Variants in CDC42BPA observed in about 807,000 individuals in gnomAD.
CDC42BPA encodes the protein serine/threonine-protein kinase MRCK alpha.
A neutral mutation model predicts 223.5 loss-of-function variants in CDC42BPA; 80 were observed. That is an observed-to-expected ratio of 0.36 (90% CI 0.30 to 0.43). The LOEUF is 0.43. CDC42BPA is among the 20% of genes least tolerant of loss of function. The probability of loss-of-function intolerance (pLI) is 1.00; values close to 1 mark genes in which losing one functional copy is unlikely to be tolerated. For missense variants in CDC42BPA, 1,743 were observed against 2,099.9 expected, an observed-to-expected ratio of 0.83 and a Z score of 3.32; for synonymous variants, 694 against 718.6, an observed-to-expected ratio of 0.97 and a Z score of 0.55.
intron 3 of CDC42BPA, among the ~76,000 whole-genome samples, chr1:227,205,694 T>TA (rs1295296986): frequency 6.6e-6 from 1 of 152,174 alleles, no homozygotes; most frequent in African/African-American, 2.4e-5. Context: ...GATATACTGT[T>TA]ACCCTACTTA....
At chr1:227,123,145 T>G (rs1401788960) in intron 11 of CDC42BPA, among the ~76,000 whole-genome samples, 9 of 152,012 alleles carry the variant, frequency 5.9e-5, no homozygotes, top group Non-Finnish European at 1.2e-4. Flanking sequence ...TCTACTAGTA[T>G]TACAACAATT....
chr1:227,098,907 T>G (rs1196711474), intron 15 of CDC42BPA, among the ~76,000 whole-genome samples: 2 of 152,036 alleles, frequency 1.3e-5, no homozygotes, highest in African/African-American at 4.8e-5. Context: ...ATAATGACAT[T>G]TTGATCAACT....
chr1:227,129,527 G>A (rs927342574), intron 10 of CDC42BPA, among the ~76,000 whole-genome samples: 3 of 151,558 alleles, frequency 2.0e-5, no homozygotes, highest in Admixed American at 2.0e-4. Flanking sequence ...AATTGGCAGG[G>A]CATGGTGGCA....
chr1:227,125,607 A>G (rs1348259271), intron 11 of CDC42BPA, among the ~76,000 whole-genome samples: 1 of 150,800 alleles, frequency 6.6e-6, no homozygotes, highest in Non-Finnish European at 1.5e-5. Flanking sequence ...CAAATTAAAA[A>G]AAAAAAAAAA....
At chr1:227,187,683 C>CT (rs1478685493) in intron 5 of CDC42BPA, among the ~76,000 whole-genome samples, 1 of 74,530 alleles carries the variant, frequency 1.3e-5, no homozygotes, top group Non-Finnish European at 2.6e-5. Context: ...CCCCCCACCC[C>CT]CCCCCCAAAA....
At chr1:227,041,644 T>C (rs778911403) in intron 23 of CDC42BPA, among the ~76,000 whole-genome samples, 5 of 152,156 alleles carry the variant, frequency 3.3e-5, no homozygotes, top group Non-Finnish European at 5.9e-5. Context: ...TCTTTTTACA[T>C]AGAAAAACCT....
At chr1:227,203,278 C>T (rs1672107152) in intron 3 of CDC42BPA, among the ~76,000 whole-genome samples, 2 of 152,160 alleles carry the variant, frequency 1.3e-5, no homozygotes, top group African/African-American at 2.4e-5. Context: ...TATCACACTG[C>T]TCTCAGTTGC....
intron 1 of CDC42BPA, among the ~76,000 whole-genome samples, chr1:227,259,673 A>G (rs1346860887): frequency 6.6e-6 from 1 of 150,908 alleles, no homozygotes; most frequent in Non-Finnish European, 1.5e-5. Context: ...GCCTAAACAT[A>G]GTATGTGACT....
At position 227,317,895 on chromosome 1, in the gene CDC42BPA, A is replaced by G. The variant is rs977728084; in HGVS notation, c.-713T>C. 5.0e-6 allele frequency: 2 copies of G among 398,498 alleles called. No individual in the cohort carries two copies. Among genetic ancestry groups the G allele is most frequent in the African/African-American group, 4.1e-5 (2 of 48,622 alleles). The allele number at this position is 398,498 out of a possible 1,614,324, so 24.7% of individuals were successfully genotyped here. A position where few individuals can be genotyped will look rare whatever the true frequency, so the allele number is the denominator to read the frequency against. On this transcript the variant is annotated 5_prime_UTR_variant, in exon 1 of 37. Coordinates refer to ENST00000366766, the MANE Select transcript of CDC42BPA (RefSeq NM_001394014.1). ...AGGCTTTGCAGTCAGTCCTATTTTC[A>G]ACGGATTCCGGTGAAAACTCTTCAT...
chr1:227,237,553 A>G (rs1679275020), intron 2 of CDC42BPA, among the ~76,000 whole-genome samples: 1 of 152,160 alleles, frequency 6.6e-6, no homozygotes, highest in African/African-American at 2.4e-5. Context: ...GCTACACGGT[A>G]TTCTATTCTA....
In CDC42BPA at chr1:227,035,476, C is replaced by G. The variant is rs962674790; in HGVS notation, c.3331G>C (p.Val1111Leu). 2 of 1,606,676 alleles carry G rather than the reference C, an allele frequency of 1.2e-6. No homozygotes were observed. The highest frequency in any genetic ancestry group is 2.7e-5 in the African/African-American group (2 of 74,568). ...KGIGTAYEGH[V>L]RIPKPAGVKK... ...CCCAACTTAATCATACTTACCCTGA[C>G]ATGACCTTCATATGCTGTTCCTATT... The change falls in exon 25 of 37, where the codon GTC becomes CTC. Residue 1111 changes from valine to leucine, a missense_variant. Val to Leu is a conservative substitution (Grantham distance 32, BLOSUM62 1). This residue lies in a region of CDC42BPA where 678 missense variants were observed against 777.5 expected (regional missense o/e 0.87). Coordinates refer to ENST00000366766, the MANE Select transcript of CDC42BPA (RefSeq NM_001394014.1).
At chr1:227,203,358 T>C (rs1405117927) in intron 3 of CDC42BPA, among the ~76,000 whole-genome samples, 1 of 152,140 alleles carries the variant, frequency 6.6e-6, no homozygotes, top group Non-Finnish European at 1.5e-5. Context: ...CTGCTAAATA[T>C]TCTACAATGC....
At chr1:227,026,017 AC>A (rs1421771736) in intron 31 of CDC42BPA, 37 bp downstream of exon 31, 1 of 1,093,568 alleles carries the variant, frequency 9.1e-7, no homozygotes, top group African/African-American at 1.6e-5. Flanking sequence ...TTTCACTTAT[AC>A]TCAGTTGGCT....
At chr1:227,105,356 C>CTTTTTTTTTT (rs35065841) in intron 14 of CDC42BPA, among the ~76,000 whole-genome samples, 5 of 91,656 alleles carry the variant, frequency 5.5e-5, no homozygotes, top group African/African-American at 8.5e-5. Context: ...TGCCTATTCT[C>CTTTTTTTTTT]TTTTTTTTTT....
intron 5 of CDC42BPA, among the ~76,000 whole-genome samples, chr1:227,165,201 G>A (rs987661795): frequency 1.3e-5 from 2 of 152,064 alleles, no homozygotes; most frequent in Non-Finnish European, 2.9e-5. Flanking sequence ...ACAGTAAAAT[G>A]ACAATACAAG....
intron 2 of CDC42BPA, among the ~76,000 whole-genome samples, chr1:227,253,610 AC>A (rs769712846): frequency 0.022 from 2,607 of 119,318 alleles, 35 homozygotes; most frequent in Middle Eastern, 0.036. Context: ...ATAAATAAAT[AC>A]ATACATACAT....
At chr1:227,201,029 ATTG>A (rs1299832534) in intron 3 of CDC42BPA, among the ~76,000 whole-genome samples, 1 of 152,108 alleles carries the variant, frequency 6.6e-6, no homozygotes, top group Non-Finnish European at 1.5e-5. Flanking sequence ...TCTCTAATGG[ATTG>A]TTTTTTCAAA....
At position 227,030,332 on chromosome 1, in the gene CDC42BPA, T is replaced by A. The variant is rs576251728; in HGVS notation, c.3838+76A>T. The A allele has an allele frequency of 5.8e-6, 5 of 864,316 alleles. No individual in the cohort carries two copies. The African/African-American group carries it at 7.0e-5, about 12-fold the overall frequency. 53.5% of individuals were successfully genotyped at this position (864,316 alleles called of 1,614,324 possible). On this transcript the variant is annotated intron_variant, in intron 29 of 36. Transcript: ENST00000366766. ...AAATAAGAGCAAATCCTGCTCTTTG[T>A]AGAATTTAGAATCTACAGTTTAAAT...
intron 1 of CDC42BPA, among the ~76,000 whole-genome samples, chr1:227,263,798 T>G (rs990201784): frequency 2.0e-5 from 3 of 152,082 alleles, no homozygotes; most frequent in Non-Finnish European, 2.9e-5. Context: ...GCCAGGCTGG[T>G]CTCGAACTCC....
Sources: allele counts gnomAD v4.1 joint callset (sites outside exome capture counted in the v4.1 genomes callset), GRCh38; gene constraint gnomAD v4.1.1; regional missense constraint gnomAD v4.1.1; transcripts MANE v1.5; gene names NCBI Gene and HGNC (gene_info 2026-07-23, HGNC 2026-07-21).